FAT3: variants seen among roughly 807,000 people sequenced by gnomAD.
FAT3 encodes protocadherin Fat 3.
FAT3 carries 95 observed loss-of-function variants against 310.2 expected under a neutral mutation model. That is an observed-to-expected ratio of 0.31 (90% CI 0.26 to 0.36). The LOEUF is 0.36. Among genes scored for constraint, FAT3 ranks in the 10% least tolerant of loss-of-function variants. FAT3 has a pLI of 1.00. For missense variants in FAT3, 5,408 were observed against 5,715.6 expected, an observed-to-expected ratio of 0.95 and a Z score of 1.74; for synonymous variants, 2,314 against 2,192.9, an observed-to-expected ratio of 1.06 and a Z score of -1.54.
intron 13 of FAT3, among the ~76,000 whole-genome samples, chr11:92,811,678 G>A (rs1947676771): frequency 6.6e-6 from 1 of 152,056 alleles, no homozygotes; most frequent in Admixed American, 6.6e-5. Flanking sequence ...ACTGGAATGA[G>A]GATCTTACCA....
chr11:92,825,612 G>C (rs1481298321), intron 13 of FAT3, among the ~76,000 whole-genome samples: 2 of 152,130 alleles, frequency 1.3e-5, no homozygotes, highest in African/African-American at 2.4e-5. Flanking sequence ...CAGGATGGAA[G>C]TGGAGCTGGA....
chr11:92,469,302 G>C (rs986512723), intron 2 of FAT3, among the ~76,000 whole-genome samples: 1 of 152,126 alleles, frequency 6.6e-6, no homozygotes, highest in Admixed American at 6.6e-5. Context: ...TTAAAACCCT[G>C]ATTTATAAAG....
chr11:92,712,309 A>T (rs542571237), intron 4 of FAT3, among the ~76,000 whole-genome samples: 1 of 152,296 alleles, frequency 6.6e-6, no homozygotes, highest in East Asian at 1.9e-4. Context: ...GACTCTGGAA[A>T]GACTCTTACG....
At chr11:92,865,603 G>C (rs756062449) in intron 21 of FAT3, among the ~76,000 whole-genome samples, 2 of 152,212 alleles carry the variant, frequency 1.3e-5, no homozygotes, top group Non-Finnish European at 2.9e-5. Flanking sequence ...TTTTGGCTGT[G>C]AATCCCTTCA....
chr11:92,738,238 G>C (rs1193891257), intron 4 of FAT3, among the ~76,000 whole-genome samples: 1 of 152,092 alleles, frequency 6.6e-6, no homozygotes, highest in African/African-American at 2.4e-5. Context: ...TATGAGAAGA[G>C]AACTCAATAA....
intron 1 of FAT3, among the ~76,000 whole-genome samples, chr11:92,277,252 T>A (rs1420863964): frequency 6.6e-6 from 1 of 152,156 alleles, no homozygotes; most frequent in African/African-American, 2.4e-5. Flanking sequence ...GGTTGTTTTT[T>A]AAGTATTCCT....
chr11:92,690,550 A>G lies in FAT3; in HGVS notation c.3608-6834A>G, dbSNP rs558051705. On this transcript the variant is annotated intron_variant, in intron 3 of 27. Coordinates refer to ENST00000525166, the MANE Select transcript of FAT3 (RefSeq NM_001367949.2). Reference sequence around the variant, plus strand: ...GAATCCTTTTTTTAACCCCCTTATAACTGATGTTGTAGCTCTTGTATATAT... The same window carrying G: ...GAATCCTTTTTTTAACCCCCTTATAGCTGATGTTGTAGCTCTTGTATATAT... Among the ~76,000 whole-genome samples the G allele has an allele frequency of 7.2e-5, 11 of 152,004 alleles. No homozygotes were observed. In the South Asian group the frequency reaches 1.7e-3, roughly 23 times the overall value.
intron 3 of FAT3, among the ~76,000 whole-genome samples, chr11:92,594,147 A>G (rs1330933217): frequency 3.9e-5 from 6 of 152,144 alleles, no homozygotes; most frequent in African/African-American, 1.4e-4. Context: ...ACTGCTGCAT[A>G]AGAGAATAAT....
chr11:92,456,966 C>A lies in FAT3; in HGVS notation c.3293-67668C>A, dbSNP rs1428769676. Among the ~76,000 whole-genome samples the A allele has an allele frequency of 3.3e-5, 5 of 152,262 alleles. No homozygotes were observed. The East Asian group carries it at 9.7e-4, about 30-fold the overall frequency. ...TGTATCTTGGAGGTAAGGGCCTAGG[C>A]AGGCCTGTTGTCCACTTCTGGAGCA... On this transcript the variant is annotated intron_variant, in intron 2 of 27. Coordinates refer to ENST00000525166, the MANE Select transcript of FAT3 (RefSeq NM_001367949.2).
intron 4 of FAT3, among the ~76,000 whole-genome samples, chr11:92,761,419 G>C (rs1229301217): frequency 6.6e-6 from 1 of 152,184 alleles, no homozygotes; most frequent in East Asian, 1.9e-4. Flanking sequence ...GAATTTTGAA[G>C]GGTTACATTC....
intron 3 of FAT3, among the ~76,000 whole-genome samples, chr11:92,600,364 AG>A (rs995294645): frequency 4.6e-4 from 70 of 152,342 alleles, no homozygotes; most frequent in African/African-American, 1.6e-3. Context: ...GCTGCCCTCA[AG>A]GAAGTTAAAA....
intron 4 of FAT3, among the ~76,000 whole-genome samples, chr11:92,708,725 G>A (rs768296077): frequency 1.3e-5 from 2 of 152,188 alleles, no homozygotes; most frequent in African/African-American, 2.4e-5. Flanking sequence ...TAGCATCTAT[G>A]AATGAGCCTA....
rs2136203181 is a variant in FAT3 at position 92,806,410 on chromosome 11, A to G, written c.9142A>G (p.Ile3048Val). ...LPEDIPSNKI[I>V]LKVSAKDADI... is the part of the protein sequence containing the mutation. ...TGAAGACATTCCATCAAATAAAATCATCCTGAAAGTCAGTGCAAAGGATGC... is the reference window on the plus strand; with the variant it reads ...TGAAGACATTCCATCAAATAAAATCGTCCTGAAAGTCAGTGCAAAGGATGC... Residue 3048 changes from isoleucine to valine, a missense_variant, in exon 12 of 28, where the codon ATC (isoleucine) becomes GTC (valine). Ile to Val is a conservative substitution (Grantham distance 29, BLOSUM62 3). Transcript: ENST00000525166. The G allele has an allele frequency of 6.3e-7, 1 of 1,596,482 alleles. No individual in the cohort carries two copies. The highest frequency in any genetic ancestry group is 2.2e-5 in the East Asian group (1 of 44,632).
At chr11:92,626,137 C>A (rs970498172) in intron 3 of FAT3, among the ~76,000 whole-genome samples, 2 of 152,150 alleles carry the variant, frequency 1.3e-5, no homozygotes, top group African/African-American at 4.8e-5. Context: ...TTTATTGCAG[C>A]CCCTGGAGCA....
At chr11:92,851,420 C>G (rs1320259035) in intron 19 of FAT3, among the ~76,000 whole-genome samples, 1 of 152,080 alleles carries the variant, frequency 6.6e-6, no homozygotes, top group African/African-American at 2.4e-5. Context: ...AAAAGGAAAT[C>G]GAGACCTAGA....
chr11:92,261,989 CT>C lies in FAT3; in HGVS notation c.-18+36825del, dbSNP rs76622696. Among the ~76,000 whole-genome samples, 65 of 149,050 alleles carry C rather than the reference CT, an allele frequency of 4.4e-4. 1 individual carries two copies. In the East Asian group the frequency reaches 5.7e-3, roughly 13 times the overall value. On this transcript the variant is annotated intron_variant, in intron 1 of 27. Coordinates refer to ENST00000525166, the MANE Select transcript of FAT3 (RefSeq NM_001367949.2). ...TCTCCTTTATACATATTTACTCTCT[CT>C]TTTTTTTTTAAATTCTGAGGTCTCT...
intron 3 of FAT3, among the ~76,000 whole-genome samples, chr11:92,530,863 G>A (rs2135382520): frequency 6.6e-6 from 1 of 151,334 alleles, no homozygotes; most frequent in East Asian, 2.0e-4. Context: ...AGGAAAAGAG[G>A]AGGAAACCTT....
At chr11:92,229,923 A>G (rs1032128446) in intron 1 of FAT3, among the ~76,000 whole-genome samples, 2 of 151,948 alleles carry the variant, frequency 1.3e-5, no homozygotes, top group African/African-American at 2.4e-5. Context: ...TAAACAAAAT[A>G]TTACTTCCTT....
intron 2 of FAT3, among the ~76,000 whole-genome samples, chr11:92,407,858 G>T (rs191974259): frequency 6.6e-6 from 1 of 152,064 alleles, no homozygotes; most frequent in South Asian, 2.1e-4. Flanking sequence ...CATTCATATG[G>T]ATGTCACTAA....
Sources: allele counts gnomAD v4.1 joint callset (sites outside exome capture counted in the v4.1 genomes callset), GRCh38; gene constraint gnomAD v4.1.1; transcripts MANE v1.5; gene names NCBI Gene and HGNC (gene_info 2026-07-23, HGNC 2026-07-21).